The following MRPS27 variants were observed in gnomAD, a reference collection of about 807,000 sequenced individuals.
The protein encoded by MRPS27 is small ribosomal subunit protein mS27.
Under a neutral mutation model 48.9 loss-of-function variants are expected in MRPS27, and 43 were observed. The ratio of observed to expected loss-of-function variants is 0.88; its 90% CI spans 0.69 to 1.13. The LOEUF (loss-of-function observed/expected upper bound fraction) is 1.13. Among genes scored for constraint, MRPS27 ranks in the 50% most tolerant of loss-of-function variants. MRPS27 has a pLI of 0.00. For missense variants in MRPS27, 467 were observed against 476.3 expected, an observed-to-expected ratio of 0.98 and a Z score of 0.18; for synonymous variants, 188 against 171.9, an observed-to-expected ratio of 1.09 and a Z score of -0.73.
intron 2 of MRPS27, among the ~76,000 whole-genome samples, chr5:72,310,946 G>A (rs530141077): frequency 2.0e-5 from 3 of 152,200 alleles, no homozygotes; most frequent in East Asian, 3.9e-4. Context: ...TTCTGGCTGG[G>A]GAAGCATAAC....
At chr5:72,232,147 G>C (rs952183056) in intron 7 of MRPS27, among the ~76,000 whole-genome samples, 8 of 152,082 alleles carry the variant, frequency 5.3e-5, no homozygotes, top group African/African-American at 1.9e-4. Context: ...CTGCCTCTTT[G>C]ACATGCCATG....
At chr5:72,222,864 A>T (rs1747785684) in intron 10 of MRPS27, among the ~76,000 whole-genome samples, 1 of 152,234 alleles carries the variant, frequency 6.6e-6, no homozygotes, top group Non-Finnish European at 1.5e-5. Flanking sequence ...TCCTTACAAC[A>T]CTGGGAATTA....
At position 72,320,128 on chromosome 5, in the gene MRPS27, T is replaced by G. The variant is rs778401538; in HGVS notation, c.73+21A>C. 3.1e-6 allele frequency: 5 copies of G among 1,610,154 alleles called. No homozygotes were observed. In the South Asian group the frequency reaches 5.5e-5, roughly 18 times the overall value. On this transcript the variant is annotated intron_variant, in intron 1 of 10. Coordinates refer to ENST00000261413, the MANE Select transcript of MRPS27 (RefSeq NM_015084.3). ...CCAAAAAACAGAATAATCAGGGGCC[T>G]AATGAAGCTGTCCGGCCAACCTGCA...
intron 4 of MRPS27, among the ~76,000 whole-genome samples, chr5:72,292,472 T>G (rs545263153): frequency 6.6e-6 from 1 of 152,162 alleles, no homozygotes; most frequent in East Asian, 1.9e-4. Flanking sequence ...CCTTTAATGT[T>G]GAAGTCCCTA....
At chr5:72,317,579 T>A (rs1485825343) in intron 1 of MRPS27, among the ~76,000 whole-genome samples, 2 of 152,212 alleles carry the variant, frequency 1.3e-5, no homozygotes, top group Non-Finnish European at 2.9e-5. Flanking sequence ...GGTTTCTCCA[T>A]GTTGGCCAGG....
chr5:72,320,153 A>G lies in MRPS27; in HGVS notation c.69T>C (p.Pro23=). 1.9e-6 allele frequency: 3 copies of G among 1,613,978 alleles called. No homozygotes were observed. Among genetic ancestry groups the G allele is most frequent in the Non-Finnish European group, 2.5e-6 (3 of 1,179,844 alleles). ...ARQVVLPQLS[P]AGKRYLLSSA... is the part of the protein sequence containing the mutation. Reference sequence around the variant, plus strand: ...TAATGAAGCTGTCCGGCCAACCTGCAGGAGAGAGCTGAGGAAGAACCACTT... The same window carrying G: ...TAATGAAGCTGTCCGGCCAACCTGCGGGAGAGAGCTGAGGAAGAACCACTT... Residue 23 remains proline (P), a synonymous_variant, in exon 1 of 11, where the codon CCT becomes CCC. Coordinates refer to ENST00000261413, the MANE Select transcript of MRPS27 (RefSeq NM_015084.3).
At position 72,286,588 on chromosome 5, in the gene MRPS27, A is replaced by G. The variant is rs114456182; in HGVS notation, c.281+8943T>C. ...TAACATACACACAAAAAAAAATTCAAAATCATAAATCTGTAGGGAAAGAAA... is the reference window on the plus strand; with the variant it reads ...TAACATACACACAAAAAAAAATTCAGAATCATAAATCTGTAGGGAAAGAAA... On this transcript the variant is annotated intron_variant, in intron 4 of 10. Coordinates refer to ENST00000261413, the MANE Select transcript of MRPS27 (RefSeq NM_015084.3). Among the ~76,000 whole-genome samples the G allele has an allele frequency of 3.7e-3, 568 of 152,294 alleles. 1 individual carries two copies. The highest frequency in any genetic ancestry group is 0.013 in the African/African-American group (552 of 41,518).
chr5:72,256,859 A>C (rs1748822835), intron 4 of MRPS27, among the ~76,000 whole-genome samples: 1 of 152,204 alleles, frequency 6.6e-6, no homozygotes, highest in Non-Finnish European at 1.5e-5. Context: ...ATAGCCTTAT[A>C]TATTGATCCA....
At chr5:72,277,781 C>T (rs980712025) in intron 4 of MRPS27, among the ~76,000 whole-genome samples, 2 of 152,116 alleles carry the variant, frequency 1.3e-5, no homozygotes, top group East Asian at 1.9e-4. Context: ...GAGATCATGT[C>T]CTTTGCAGGG....
chr5:72,277,727 G>A (rs1210451074), intron 4 of MRPS27, among the ~76,000 whole-genome samples: 1 of 152,132 alleles, frequency 6.6e-6, no homozygotes, highest in Non-Finnish European at 1.5e-5. Flanking sequence ...AAGAAAATGT[G>A]GTACAATACG....
rs543578375 is a variant in MRPS27, at chr5:72,299,090, T to C, written c.152-1388A>G. 3.9e-5 allele frequency among the ~76,000 whole-genome samples: 6 copies of C among 152,086 alleles called. No homozygotes were observed. The South Asian group carries it at 1.2e-3, about 32-fold the overall frequency. Reference sequence around the variant, plus strand: ...CACTGGGTATACACGGACATAAATATGGGAACAGCAGACACTGGGGACTCC... The same window carrying C: ...CACTGGGTATACACGGACATAAATACGGGAACAGCAGACACTGGGGACTCC... On this transcript the variant is annotated intron_variant, in intron 2 of 10. Transcript: ENST00000261413.
At chr5:72,226,737 G>A (rs1263509380) in intron 8 of MRPS27, among the ~76,000 whole-genome samples, 4 of 150,916 alleles carry the variant, frequency 2.7e-5, no homozygotes, top group Non-Finnish European at 4.4e-5. Flanking sequence ...TCTTTCCTTT[G>A]AGTTTCGTCA....
chr5:72,221,969 T>A (rs1747756756), intron 10 of MRPS27, among the ~76,000 whole-genome samples: 1 of 152,128 alleles, frequency 6.6e-6, no homozygotes, highest in African/African-American at 2.4e-5. Context: ...GAGGGCCACT[T>A]ACGGGGCCAG....
chr5:72,254,550 T>C (rs1748747362), intron 4 of MRPS27, among the ~76,000 whole-genome samples: 1 of 152,210 alleles, frequency 6.6e-6, no homozygotes, highest in African/African-American at 2.4e-5. Flanking sequence ...TTGCTTTACA[T>C]GGAGGGGAAA....
intron 4 of MRPS27, among the ~76,000 whole-genome samples, chr5:72,255,029 C>CTTTTTTTTT (rs70999273): frequency 5.5e-5 from 4 of 72,092 alleles, no homozygotes; most frequent in Non-Finnish European, 8.3e-5. Flanking sequence ...CATTTCTTTT[C>CTTTTTTTTT]TTTTTTTTTT....
chr5:72,242,478 C>G (rs1000291004), intron 4 of MRPS27, among the ~76,000 whole-genome samples: 7 of 145,812 alleles, frequency 4.8e-5, no homozygotes, highest in Non-Finnish European at 9.0e-5. Flanking sequence ...ATAGGAGGTA[C>G]TCTATTGTGT....
intron 2 of MRPS27, among the ~76,000 whole-genome samples, chr5:72,304,259 T>C (rs1045217256): frequency 1.4e-5 from 2 of 142,436 alleles, no homozygotes; most frequent in African/African-American, 2.6e-5. Context: ...ACAAAAACAA[T>C]CCAAAAGTAA....
intron 1 of MRPS27, among the ~76,000 whole-genome samples, chr5:72,317,576 C>G (rs1209671254): frequency 6.6e-6 from 1 of 152,184 alleles, no homozygotes; most frequent in Non-Finnish European, 1.5e-5. Flanking sequence ...CAGGGTTTCT[C>G]CATGTTGGCC....
intron 4 of MRPS27, among the ~76,000 whole-genome samples, chr5:72,239,853 G>A (rs890781730): frequency 6.6e-6 from 1 of 151,988 alleles, no homozygotes; most frequent in African/African-American, 2.4e-5. Flanking sequence ...CTTATTTTTT[G>A]TAGAAACAGG....
Sources: allele counts gnomAD v4.1 joint callset (sites outside exome capture counted in the v4.1 genomes callset), GRCh38; gene constraint gnomAD v4.1.1; transcripts MANE v1.5; gene names NCBI Gene and HGNC (gene_info 2026-07-23, HGNC 2026-07-21).